ZFP3: variants seen among roughly 807,000 people sequenced by gnomAD.
ZFP3 encodes the protein ZFP3 zinc finger protein, also known as zinc finger protein 3 homolog.
A neutral mutation model predicts 36.7 loss-of-function variants in ZFP3; 18 were observed. That is an observed-to-expected ratio of 0.49 (90% CI 0.34 to 0.73). The LOEUF (loss-of-function observed/expected upper bound fraction) is 0.73, where lower values mean the gene tolerates loss of function less well. ZFP3 is among the 30% of genes least tolerant of loss of function. The pLI, the probability that ZFP3 is intolerant of heterozygous loss-of-function variation, is 0.01. For missense variants in ZFP3, 495 were observed against 599.0 expected, an observed-to-expected ratio of 0.83 and a Z score of 1.81; for synonymous variants, 218 against 199.0, an observed-to-expected ratio of 1.10 and a Z score of -0.81.
Position 5,096,097 on chromosome 17 carries a change from TC to T in ZFP3, c.*3087del, listed in dbSNP as rs1313514415. The T allele has an allele frequency of 6.0e-6, 1 of 167,106 alleles. No individual in the cohort carries two copies. The highest frequency in any genetic ancestry group is 2.4e-5 in the African/African-American group (1 of 41,442). 10.4% of individuals were successfully genotyped at this position (167,106 alleles called of 1,614,324 possible). A position where few individuals can be genotyped will look rare whatever the true frequency, so the allele number is the denominator to read the frequency against. ...GATTTCTCTTTTCCTTCTGTTTGCCTCCCTCTTCGACTTACTTGGGAGTCAG... is the reference window on the plus strand; with the variant it reads ...GATTTCTCTTTTCCTTCTGTTTGCCTCCTCTTCGACTTACTTGGGAGTCAG... On this transcript the variant is annotated 3_prime_UTR_variant, in exon 2 of 2. Transcript: ENST00000318833.
At chr17:5,079,895 C>T (rs1351578528) in intron 1 of ZFP3, among the ~76,000 whole-genome samples, 2 of 151,854 alleles carry the variant, frequency 1.3e-5, no homozygotes, top group South Asian at 2.1e-4. Context: ...CAAAATTAGC[C>T]AGGCGTGGTG....
Position 5,091,900 on chromosome 17 carries a change from G to A in ZFP3, c.396G>A (p.Gln132=). 6.2e-7 allele frequency: 1 copy of A among 1,614,178 alleles called. No homozygotes were observed. Among genetic ancestry groups the A allele is most frequent in the Non-Finnish European group, 8.5e-7 (1 of 1,180,032 alleles). The part of the protein sequence containing the change: ...FLEILESNKT[Q]RSSVGEKPHT... Reference sequence around the variant, plus strand: ...AGATTTTAGAATCTAACAAAACACAGAGAAGTTCTGTGGGAGAAAAGCCTC... The same window carrying A: ...AGATTTTAGAATCTAACAAAACACAAAGAAGTTCTGTGGGAGAAAAGCCTC... Residue 132 remains glutamine, a synonymous_variant, in exon 2 of 2, where the codon CAG becomes CAA. Transcript: ENST00000318833.
At chr17:5,091,461 T>C (rs2072149017) in intron 1 of ZFP3, 36 bp from the exon 2 acceptor site, 2 of 1,576,064 alleles carry the variant, frequency 1.3e-6, no homozygotes, top group Admixed American at 1.8e-5. Flanking sequence ...TTAAATATGA[T>C]ACGGTCCCTT....
chr17:5,092,305 G>A lies in ZFP3; in HGVS notation c.801G>A (p.Gln267=). ...ECGKTFRVSS[Q]LIQHQRIHTE... is the part of the protein sequence containing the mutation. ...GGAAGACCTTTAGGGTTAGTTCACA[G>A]CTTATTCAGCATCAGAGAATTCATA... The change falls in exon 2 of 2, where the codon CAG becomes CAA. Residue 267 remains glutamine, a synonymous_variant. Transcript: ENST00000318833. The surrounding 1 kb of genome is among the most constrained non-coding windows in gnomAD (Gnocchi z 5.0). 4 of 1,614,094 alleles carry A rather than the reference G, an allele frequency of 2.5e-6. No homozygotes were observed. Among genetic ancestry groups the A allele is most frequent in the Non-Finnish European group, 3.4e-6 (4 of 1,180,020 alleles).
intron 1 of ZFP3, among the ~76,000 whole-genome samples, chr17:5,079,399 G>A (rs564353471): frequency 7.2e-5 from 11 of 152,206 alleles, no homozygotes; most frequent in East Asian, 1.9e-4. Flanking sequence ...GTGTGGTGGC[G>A]CATGCTTGTA....
chr17:5,086,804 T>G (rs1222105998), intron 1 of ZFP3, among the ~76,000 whole-genome samples: 1 of 148,366 alleles, frequency 6.7e-6, no homozygotes, highest in Non-Finnish European at 1.5e-5. Flanking sequence ...CTTGGCTCAC[T>G]GCAAGCTCCG....
chr17:5,088,495 T>A (rs2072132564), intron 1 of ZFP3, among the ~76,000 whole-genome samples: 1 of 133,320 alleles, frequency 7.5e-6, no homozygotes. Flanking sequence ...TTTTTTTTTT[T>A]AGTAGAGATG....
rs2072149984 is a variant in ZFP3 at position 5,091,591 on chromosome 17, A to G, written c.87A>G (p.Pro29=). 6.2e-7 allele frequency: 1 copy of G among 1,614,262 alleles called. No individual in the cohort carries two copies. Among genetic ancestry groups the G allele is most frequent in the Admixed American group, 1.7e-5 (1 of 60,034 alleles). ...EPHGSLLEKF[P]KVVYQGHEFG... ...ATGGGTCATTATTAGAAAAATTTCC[A>G]AAAGTGGTTTACCAAGGTCATGAGT... Residue 29 remains proline (P), a synonymous_variant, in exon 2 of 2, where the codon CCA becomes CCG. Transcript: ENST00000318833.
At chr17:5,088,476 CT>C (rs71149522) in intron 1 of ZFP3, among the ~76,000 whole-genome samples, 64,261 of 131,236 alleles carry the variant, frequency 0.49, 15,300 homozygotes, top group South Asian at 0.64. Context: ...CTACTGCTTT[CT>C]TTTTTTTTTT....
At chr17:5,086,213 C>T (rs2072120087) in intron 1 of ZFP3, among the ~76,000 whole-genome samples, 1 of 152,130 alleles carries the variant, frequency 6.6e-6, no homozygotes, top group Non-Finnish European at 1.5e-5. Flanking sequence ...TTCAGGATTC[C>T]AGTAGGAGAT....
chr17:5,095,000 T>A lies in ZFP3; in HGVS notation c.*1987T>A, dbSNP rs1219376237. 1 of 167,154 alleles carries A rather than the reference T, an allele frequency of 6.0e-6. No individual in the cohort carries two copies. Among genetic ancestry groups the A allele is most frequent in the East Asian group, 1.9e-4 (1 of 5,210 alleles). 10.4% of individuals were successfully genotyped at this position (167,154 alleles called of 1,614,324 possible). Reference sequence around the variant, plus strand: ...GCGACAGCCAAGACTCCAAACCTGGTTGATGCTCTTAACCACTGTGCTATG... The same window carrying A: ...GCGACAGCCAAGACTCCAAACCTGGATGATGCTCTTAACCACTGTGCTATG... On this transcript the variant is annotated 3_prime_UTR_variant, in exon 2 of 2. Transcript: ENST00000318833.
intron 1 of ZFP3, among the ~76,000 whole-genome samples, chr17:5,081,759 G>A (rs373839483): frequency 1.4e-3 from 218 of 151,302 alleles, no homozygotes; most frequent in Non-Finnish European, 2.4e-3. Context: ...CTGCCACCAC[G>A]CCCGGCTAAT....
chr17:5,092,737 C>T lies in ZFP3; in HGVS notation c.1233C>T (p.His411=). The T allele has an allele frequency of 1.9e-6, 3 of 1,613,802 alleles. No homozygotes were observed. The South Asian group carries it at 3.3e-5, about 18-fold the overall frequency. ...AFRRTSHLIV[H]QRIHTGEKPH... is the part of the protein sequence containing the mutation. Reference sequence around the variant, plus strand: ...GGCGGACCTCTCACCTTATTGTCCACCAGAGAATTCATACTGGAGAGAAAC... The same window carrying T: ...GGCGGACCTCTCACCTTATTGTCCATCAGAGAATTCATACTGGAGAGAAAC... The change falls in exon 2 of 2, where the codon CAC becomes CAT. Residue 411 remains histidine (H), a synonymous_variant. Transcript: ENST00000318833. The surrounding 1 kb of genome is among the most constrained non-coding windows in gnomAD (Gnocchi z 5.0).
In ZFP3 at chr17:5,092,964, G is replaced by A. The variant is rs2072158670; in HGVS notation, c.1460G>A (p.Ser487Asn). The A allele has an allele frequency of 1.9e-6, 3 of 1,612,450 alleles. No homozygotes were observed. Among genetic ancestry groups the A allele is most frequent in the Non-Finnish European group, 8.5e-7 (1 of 1,179,250 alleles). Residue 487 changes from serine (S) to asparagine (N), a missense_variant, in exon 2 of 2, where the codon AGT (serine) becomes AAT (asparagine). Coordinates refer to ENST00000318833, the MANE Select transcript of ZFP3 (RefSeq NM_153018.3). This position sits in a 1 kb window ranked among gnomAD's most constrained non-coding sequence, Gnocchi z 5.0. ...TGCCAAGAATGTCAGAAGACTTTTA[G>A]TCGGAGCTCTCACCTCCTCCGACAT... is the stretch of plus-strand genomic sequence containing the variant. ...YECQECQKTF[S>N]RSSHLLRHQS...
intron 1 of ZFP3, among the ~76,000 whole-genome samples, chr17:5,086,960 C>T (rs907395606): frequency 2.0e-5 from 3 of 152,016 alleles, no homozygotes; most frequent in African/African-American, 7.2e-5. Flanking sequence ...GATCTCCTGA[C>T]CTCATGATCT....
chr17:5,080,306 T>A, intron 1 of ZFP3, among the ~76,000 whole-genome samples: 1 of 152,178 alleles, frequency 6.6e-6, no homozygotes, highest in East Asian at 1.9e-4. Flanking sequence ...AACCAGGAAT[T>A]CCCGAATCCT....
intron 1 of ZFP3, among the ~76,000 whole-genome samples, chr17:5,091,023 TC>T (rs1471763031): frequency 1.3e-5 from 2 of 152,164 alleles, no homozygotes; most frequent in Non-Finnish European, 2.9e-5. Context: ...GCCACCATTT[TC>T]CCTAGATGTT....
Position 5,093,133 on chromosome 17 carries a change from C to A in ZFP3, c.*120C>A. ...AATGAATGGACAGAACCTCCTCTGT[C>A]CTCCCACTGATTTTAAATAGTTGGT... On this transcript the variant is annotated 3_prime_UTR_variant, in exon 2 of 2. Transcript: ENST00000318833. 1 of 1,082,802 alleles carries A rather than the reference C, an allele frequency of 9.2e-7. No individual in the cohort carries two copies. The highest frequency in any genetic ancestry group is 1.3e-6 in the Non-Finnish European group (1 of 781,012). 67.1% of individuals were successfully genotyped at this position (1,082,802 alleles called of 1,614,324 possible). A position where few individuals can be genotyped will look rare whatever the true frequency, so the allele number is the denominator to read the frequency against.
intron 1 of ZFP3, among the ~76,000 whole-genome samples, chr17:5,085,515 C>T (rs1009258054): frequency 1.3e-5 from 2 of 152,062 alleles, no homozygotes; most frequent in Admixed American, 6.6e-5. Context: ...ACTACAAGCG[C>T]CCGCCACCAC....
Sources: allele counts gnomAD v4.1 joint callset (sites outside exome capture counted in the v4.1 genomes callset), GRCh38; gene constraint gnomAD v4.1.1; non-coding constraint Gnocchi (gnomAD v3.1); transcripts MANE v1.5; gene names NCBI Gene and HGNC (gene_info 2026-07-23, HGNC 2026-07-21).